The following AP2A2 variants were observed in gnomAD, a reference collection of about 807,000 sequenced individuals.
The protein encoded by AP2A2 is AP-2 complex subunit alpha-2.
AP2A2 carries 32 observed loss-of-function variants against 104.2 expected under a neutral mutation model. That is an observed-to-expected ratio of 0.31 (90% CI 0.23 to 0.41). AP2A2 has a LOEUF of 0.41. Among genes scored for constraint, AP2A2 ranks in the 10% least tolerant of loss-of-function variants. The pLI is 1.00. For missense variants in AP2A2, 912 were observed against 1,261.0 expected (o/e 0.72, Z 4.19); for synonymous variants, 539 against 533.3 (o/e 1.01, Z -0.15).
intron 2 of AP2A2, among the ~76,000 whole-genome samples, chr11:960,961 C>T (rs1854415872): frequency 1.3e-5 from 2 of 152,390 alleles, no homozygotes; most frequent in South Asian, 4.1e-4. Flanking sequence ...GCCCGGTGTG[C>T]ACCTTTGTTC....
At chr11:964,613 C>T (rs932942625) in intron 2 of AP2A2, among the ~76,000 whole-genome samples, 2 of 152,150 alleles carry the variant, frequency 1.3e-5, no homozygotes, top group African/African-American at 4.8e-5. Context: ...AGTGCTACCA[C>T]CCTGCTACAT....
chr11:1,007,615 G>T (rs2133789486), intron 17 of AP2A2: 3 of 279,578 alleles, frequency 1.1e-5, no homozygotes, highest in South Asian at 1.0e-4. Flanking sequence ...AGCAGGGCAG[G>T]CTCTTTTCTG....
chr11:1,000,054 C>T (rs1324922972), intron 14 of AP2A2, among the ~76,000 whole-genome samples: 2 of 151,406 alleles, frequency 1.3e-5, no homozygotes, highest in Non-Finnish European at 3.0e-5. Flanking sequence ...GATCCGCCCA[C>T]CTCGGCCTCC....
chr11:983,587 G>C (rs928449488), intron 6 of AP2A2, among the ~76,000 whole-genome samples: 5 of 151,824 alleles, frequency 3.3e-5, no homozygotes, highest in African/African-American at 4.8e-5. Flanking sequence ...GTTTCACTGT[G>C]TTAGCCAGGA....
chr11:934,361 G>A (rs1020205979), intron 1 of AP2A2, among the ~76,000 whole-genome samples: 6 of 152,154 alleles, frequency 3.9e-5, no homozygotes, highest in African/African-American at 1.4e-4. Context: ...CTTGGCTCAA[G>A]TGATCCTCCC....
In AP2A2 at chr11:1,008,906, C is replaced by G. The variant is rs1364033413; in HGVS notation, c.2421-194C>G. 4 of 599,804 alleles carry G rather than the reference C, an allele frequency of 6.7e-6. No homozygotes were observed. The Admixed American group carries it at 1.2e-4, about 18-fold the overall frequency. The allele number at this position is 599,804 out of a possible 1,614,324, so 37.2% of individuals were successfully genotyped here. On this transcript the variant is annotated intron_variant, in intron 18 of 21. Coordinates refer to ENST00000448903, the MANE Select transcript of AP2A2 (RefSeq NM_012305.4). Reference sequence around the variant, plus strand: ...GTCCTGCCTGAGTATGCGGCCCTGGCCTGTCCTCCTGTCTGTGGGTGACAC... The same window carrying G: ...GTCCTGCCTGAGTATGCGGCCCTGGGCTGTCCTCCTGTCTGTGGGTGACAC...
At chr11:996,021 C>T (rs577885686) in intron 14 of AP2A2, 2 of 152,326 alleles carry the variant, frequency 1.3e-5, no homozygotes, top group South Asian at 4.1e-4. Context: ...CGTGGGACGT[C>T]ACTAGCCAGG....
chr11:935,603 G>GTTTTTTTTTTTTTCTTT (rs1853429259), intron 1 of AP2A2, among the ~76,000 whole-genome samples: 1 of 77,988 alleles, frequency 1.3e-5, no homozygotes, highest in Admixed American at 1.5e-4. Flanking sequence ...TGCCCGGCCA[G>GTTTTTTTTTTTTTCTTT]TTTTTTTTTT....
At chr11:954,001 A>G (rs1022508968) in intron 1 of AP2A2, among the ~76,000 whole-genome samples, 1 of 151,740 alleles carries the variant, frequency 6.6e-6, no homozygotes, top group Non-Finnish European at 1.5e-5. Flanking sequence ...TGCCTGGCTA[A>G]TTTTTGTATT....
At chr11:990,938 G>C (rs1017753790) in intron 10 of AP2A2, among the ~76,000 whole-genome samples, 1 of 149,224 alleles carries the variant, frequency 6.7e-6, no homozygotes, top group Non-Finnish European at 1.5e-5. Context: ...TTTCAGTCGG[G>C]TATGGTGCTC....
At chr11:989,225 G>T (rs1427290903) in intron 10 of AP2A2, among the ~76,000 whole-genome samples, 1 of 152,152 alleles carries the variant, frequency 6.6e-6, no homozygotes, top group Non-Finnish European at 1.5e-5. Flanking sequence ...TACTCCGGAG[G>T]CTGAGGCAGG....
chr11:992,930 G>C lies in AP2A2; in HGVS notation c.1452+245G>C, dbSNP rs1212310833. On this transcript the variant is annotated intron_variant, in intron 11 of 21. Transcript: ENST00000448903. The surrounding 1 kb of genome is among the most constrained non-coding windows in gnomAD (Gnocchi z 6.4). ...GCCACCTGAGAAAGCCGGCCTCTGT[G>C]TGTGTGAGAGCATGCTGGGGCATGC... Among the ~76,000 whole-genome samples the C allele has an allele frequency of 6.6e-6, 1 of 152,160 alleles. No individual in the cohort carries two copies. Among genetic ancestry groups the C allele is most frequent in the South Asian group, 2.1e-4 (1 of 4,812 alleles).
Position 1,010,781 on chromosome 11 carries a change from C to T in AP2A2, c.*156C>T, listed in dbSNP as rs1011460176. On this transcript the variant is annotated 3_prime_UTR_variant, in exon 22 of 22. Coordinates refer to ENST00000448903, the MANE Select transcript of AP2A2 (RefSeq NM_012305.4). ...CCACACCTCTCCCCTTTGGGCTGGA[C>T]GGGAACACACGTGTGTGGCTCAGGA... 2.3e-5 allele frequency: 16 copies of T among 703,180 alleles called. No individual in the cohort carries two copies. The highest frequency in any genetic ancestry group is 1.4e-4 in the South Asian group (9 of 65,566). The allele number at this position is 703,180 out of a possible 1,614,324, so 43.6% of individuals were successfully genotyped here.
At chr11:959,555 T>C in intron 2 of AP2A2, 50 bp downstream of exon 2, 1 of 1,245,504 alleles carries the variant, frequency 8.0e-7, no homozygotes, top group Non-Finnish European at 1.2e-6. Flanking sequence ...AAATTTTCTG[T>C]AGTAAGAACC....
At chr11:1,008,520 T>C (rs769398593) in intron 18 of AP2A2, 8 of 224,748 alleles carry the variant, frequency 3.6e-5, no homozygotes, top group Non-Finnish European at 5.3e-5. Context: ...GGGGGCGCGT[T>C]TTTTGCTCAG....
rs984678333 is a variant in AP2A2 at position 925,917 on chromosome 11, C to G, written c.-105C>G. On this transcript the variant is annotated 5_prime_UTR_variant, in exon 1 of 22. Coordinates refer to ENST00000448903, the MANE Select transcript of AP2A2 (RefSeq NM_012305.4). ...AGGCGGCCGTGGTTAGGCGGCTCCC[C>G]GGCGGCTCCTCCGCGGCGGTGACGG... 6 of 879,844 alleles carry G rather than the reference C, an allele frequency of 6.8e-6. No homozygotes were observed. Among genetic ancestry groups the G allele is most frequent in the Admixed American group, 8.9e-5 (2 of 22,500 alleles). The allele number at this position is 879,844 out of a possible 1,614,324, so 54.5% of individuals were successfully genotyped here.
intron 2 of AP2A2, among the ~76,000 whole-genome samples, chr11:966,617 A>G (rs1345241290): frequency 3.3e-5 from 5 of 152,240 alleles, no homozygotes; most frequent in Non-Finnish European, 7.3e-5. Context: ...GCCTTGTGCC[A>G]CACACTGTTG....
In AP2A2 at chr11:986,803, C is replaced by G. The variant is rs1435656608; in HGVS notation, c.981C>G (p.Val327=). The change falls in exon 9 of 22, where the codon GTC becomes GTG. Residue 327 remains valine (V), a synonymous_variant. Coordinates refer to ENST00000448903, the MANE Select transcript of AP2A2 (RefSeq NM_012305.4). ...IHHDSEPNLL[V]RACNQLGQFL... is the part of the protein sequence containing the mutation. ...CACACAGTGAGCCGAACCTGCTCGT[C>G]CGTGCCTGCAACCAGTTGGGCCAGT... The G allele has an allele frequency of 6.2e-7, 1 of 1,613,374 alleles. No individual in the cohort carries two copies. The highest frequency in any genetic ancestry group is 8.5e-7 in the Non-Finnish European group (1 of 1,179,802).
chr11:960,846 C>T (rs1034130714), intron 2 of AP2A2, among the ~76,000 whole-genome samples: 18 of 141,904 alleles, frequency 1.3e-4, no homozygotes, highest in Non-Finnish European at 2.3e-4. Context: ...TTAGTAGAGA[C>T]GGGGGTTTCT....
Sources: gnomAD v4.1 joint callset for allele counts (sites outside exome capture counted in the v4.1 genomes callset) on GRCh38, gnomAD v4.1.1 for gene constraint, Gnocchi (gnomAD v3.1) non-coding constraint, MANE v1.5 for transcripts, NCBI Gene and HGNC (gene_info 2026-07-23, HGNC 2026-07-21) for gene names.